The following CDH11 variants were observed in gnomAD, a reference collection of about 807,000 sequenced individuals.
CDH11 encodes the protein cadherin-11.
In CDH11, 11 loss-of-function variants were observed where a neutral mutation model predicts 67.8. The ratio of observed to expected loss-of-function variants is 0.16; its 90% CI spans 0.10 to 0.27. The LOEUF is 0.27. CDH11 is among the 10% of genes least tolerant of loss of function. The pLI is 1.00. For missense variants in CDH11, 847 were observed against 1,031.2 expected, an observed-to-expected ratio of 0.82 and a Z score of 2.45; for synonymous variants, 419 against 400.0, an observed-to-expected ratio of 1.05 and a Z score of -0.57.
At position 65,040,326 on chromosome 16, in the gene CDH11, C is replaced by T. The variant is rs371316076; in HGVS notation, c.-173+13478G>A. Among the ~76,000 whole-genome samples, 161 of 152,168 alleles carry T rather than the reference C, an allele frequency of 1.1e-3. 3 individuals are homozygous for T. The East Asian group carries it at 0.018, about 17-fold the overall frequency. On this transcript the variant is annotated intron_variant, in intron 2 of 12. Transcript: ENST00000268603. ...AACCCAAATGTCCAACAATGATAGA[C>T]GGGATTAAGAAAATGTGACACATAT...
At chr16:65,099,740 C>G (rs2074959508) in intron 1 of CDH11, among the ~76,000 whole-genome samples, 1 of 152,074 alleles carries the variant, frequency 6.6e-6, no homozygotes, top group South Asian at 2.1e-4. Flanking sequence ...AGTCCTTCAT[C>G]CAGTCTTGAC....
chr16:64,971,567 C>A lies in CDH11; in HGVS notation c.1642+12G>T, dbSNP rs570752275. The A allele has an allele frequency of 6.5e-7, 1 of 1,528,006 alleles. No individual in the cohort carries two copies. Among genetic ancestry groups the A allele is most frequent in the South Asian group, 1.1e-5 (1 of 88,060 alleles). The allele number at this position is 1,528,006 out of a possible 1,614,324, so 94.7% of individuals were successfully genotyped here. A position where few individuals can be genotyped will look rare whatever the true frequency, so the allele number is the denominator to read the frequency against. ...TCTACTTCTCTGAATGCGTAGGAACCTTAGTACAAACCTCGGTTGTCTCTG... is the reference window on the plus strand; with the variant it reads ...TCTACTTCTCTGAATGCGTAGGAACATTAGTACAAACCTCGGTTGTCTCTG... On this transcript the variant is annotated intron_variant, in intron 11 of 12. Transcript: ENST00000268603.
Position 64,945,962 on chromosome 16 carries a change from C to G in CDH11, c.*1641G>C. Reference sequence around the variant, plus strand: ...TGTGGTCTTTCCCCAAGTATTGCTACGTTTTGACCTTTGGCCCAACTGAAC... The same window carrying G: ...TGTGGTCTTTCCCCAAGTATTGCTAGGTTTTGACCTTTGGCCCAACTGAAC... On this transcript the variant is annotated 3_prime_UTR_variant, in exon 13 of 13. Transcript: ENST00000268603. The G allele has an allele frequency of 9.5e-7, 1 of 1,057,502 alleles. No homozygotes were observed. Among genetic ancestry groups the G allele is most frequent in the Non-Finnish European group, 1.1e-6 (1 of 874,476 alleles). The allele number at this position is 1,057,502 out of a possible 1,614,324, so 65.5% of individuals were successfully genotyped here. A position where few individuals can be genotyped will look rare whatever the true frequency, so the allele number is the denominator to read the frequency against.
rs74026237 is a variant in CDH11, at chr16:65,054,935, C to T, written c.-297-1007G>A. On this transcript the variant is annotated intron_variant, in intron 1 of 12. Coordinates refer to ENST00000268603, the MANE Select transcript of CDH11 (RefSeq NM_001797.4). ...TTCTCCAAAACAACAAACAAGCAAA[C>T]AAAAGCCCTTTTTAGTGAAGGGATG... is the stretch of plus-strand genomic sequence containing the variant. Among the ~76,000 whole-genome samples, 1,408 of 152,288 alleles carry T rather than the reference C, an allele frequency of 9.2e-3. 25 individuals are homozygous for T. The highest frequency in any genetic ancestry group is 0.032 in the African/African-American group (1,323 of 41,558).
intron 2 of CDH11, among the ~76,000 whole-genome samples, chr16:65,022,839 G>A (rs569624777): frequency 2.3e-4 from 35 of 152,172 alleles, no homozygotes; most frequent in Middle Eastern, 3.4e-3. Context: ...CCAGAGCATC[G>A]GGGGGCAGCC....
chr16:64,964,878 G>T (rs1220619000), intron 11 of CDH11, among the ~76,000 whole-genome samples: 2 of 151,864 alleles, frequency 1.3e-5, no homozygotes, highest in Non-Finnish European at 2.9e-5. Context: ...GTACATTTAG[G>T]CTACACTAAA....
intron 1 of CDH11, among the ~76,000 whole-genome samples, chr16:65,094,144 TA>T (rs2074842763): frequency 6.6e-6 from 1 of 152,192 alleles, no homozygotes; most frequent in African/African-American, 2.4e-5. Flanking sequence ...AGGGAAGTTT[TA>T]AAGAAAGTGG....
intron 1 of CDH11, among the ~76,000 whole-genome samples, chr16:65,060,700 A>G (rs535834682): frequency 1.2e-3 from 185 of 152,280 alleles, no homozygotes; most frequent in Middle Eastern, 6.8e-3. Flanking sequence ...TCTCCTTGTC[A>G]TGTATAAATA....
intron 1 of CDH11, among the ~76,000 whole-genome samples, chr16:65,093,178 C>T (rs955628048): frequency 5.4e-5 from 8 of 149,502 alleles, no homozygotes; most frequent in South Asian, 2.1e-4. Flanking sequence ...CCTCAAGTGA[C>T]CTGCCTGCCT....
At position 65,121,964 on chromosome 16, in the gene CDH11, T is replaced by C. The variant is rs1183400556; in HGVS notation, c.-382A>G. The stretch of plus-strand genomic sequence containing the variant: ...GCTGCGGTGTCAGTCCCGGCCCCAG[T>C]CCCGGTCCCATTCACAAGTCAGCGG... On this transcript the variant is annotated 5_prime_UTR_variant, in exon 1 of 13. Coordinates refer to ENST00000268603, the MANE Select transcript of CDH11 (RefSeq NM_001797.4). This position sits in a 1 kb window ranked among gnomAD's most constrained non-coding sequence, Gnocchi z 4.1. 1 of 701,590 alleles carries C rather than the reference T, an allele frequency of 1.4e-6. No homozygotes were observed. Among genetic ancestry groups the C allele is most frequent in the East Asian group, 2.7e-5 (1 of 37,162 alleles). The allele number at this position is 701,590 out of a possible 1,614,324, so 43.5% of individuals were successfully genotyped here. A position where few individuals can be genotyped will look rare whatever the true frequency, so the allele number is the denominator to read the frequency against.
intron 1 of CDH11, among the ~76,000 whole-genome samples, chr16:65,056,253 G>A (rs887408151): frequency 6.6e-6 from 1 of 152,180 alleles, no homozygotes; most frequent in African/African-American, 2.4e-5. Context: ...AGGAGGAGAA[G>A]CTGTATGGCT....
At chr16:64,949,792 C>T (rs772713766) in intron 12 of CDH11, among the ~76,000 whole-genome samples, 1 of 152,138 alleles carries the variant, frequency 6.6e-6, no homozygotes, top group Non-Finnish European at 1.5e-5. Flanking sequence ...CAGCACCCAC[C>T]GTGTGCCTCT....
At chr16:65,122,331 G>T (rs1009081507), upstream of CDH11, 2 of 292,098 alleles carry the variant, frequency 6.8e-6, no homozygotes, top group African/African-American at 2.3e-5. Flanking sequence ...CCCGTGGCGC[G>T]GCGCTCCGAC....
chr16:65,029,145 ATCTT>A (rs2073589810), intron 2 of CDH11, among the ~76,000 whole-genome samples: 1 of 152,194 alleles, frequency 6.6e-6, no homozygotes, highest in Non-Finnish European at 1.5e-5. Context: ...TTTTTAAAAA[ATCTT>A]CCTTCTGAGA....
chr16:64,995,263 A>C (rs1439228020), intron 4 of CDH11, among the ~76,000 whole-genome samples: 1 of 152,142 alleles, frequency 6.6e-6, no homozygotes, highest in Non-Finnish European at 1.5e-5. Context: ...ATATGGAACC[A>C]AAAAAGAGCC....
chr16:65,029,120 T>G (rs545308122), intron 2 of CDH11, among the ~76,000 whole-genome samples: 6 of 152,192 alleles, frequency 3.9e-5, no homozygotes, highest in Non-Finnish European at 7.4e-5. Flanking sequence ...AACTTTTTTT[T>G]AAGAAGAAAA....
intron 1 of CDH11, among the ~76,000 whole-genome samples, chr16:65,062,422 C>G (rs1483828992): frequency 6.6e-6 from 1 of 152,094 alleles, no homozygotes; most frequent in Non-Finnish European, 1.5e-5. Flanking sequence ...CCAAAATAGT[C>G]ACAGCCTCCC....
intron 2 of CDH11, among the ~76,000 whole-genome samples, chr16:65,005,852 A>T (rs1401301049): frequency 1.3e-5 from 2 of 152,184 alleles, no homozygotes; most frequent in African/African-American, 4.8e-5. Context: ...AGTATATCCA[A>T]CCAACCAGCC....
At chr16:65,084,497 T>TAA (rs79619140) in intron 1 of CDH11, among the ~76,000 whole-genome samples, 5 of 151,362 alleles carry the variant, frequency 3.3e-5, no homozygotes, top group Non-Finnish European at 5.9e-5. Context: ...ATCTAAAGAT[T>TAA]AAAAAAAAAT....
Sources: gnomAD v4.1 joint callset for allele counts (sites outside exome capture counted in the v4.1 genomes callset) on GRCh38, gnomAD v4.1.1 for gene constraint, Gnocchi (gnomAD v3.1) non-coding constraint, MANE v1.5 for transcripts, NCBI Gene and HGNC (gene_info 2026-07-23, HGNC 2026-07-21) for gene names.